Variants in VEGFC observed in about 807,000 individuals in gnomAD.
VEGFC encodes FLT4 ligand DHM.
VEGFC carries 12 observed loss-of-function variants against 46.1 expected under a neutral mutation model. The ratio of observed to expected loss-of-function variants is 0.26; its 90% CI spans 0.17 to 0.42. The LOEUF is 0.42. Among genes scored for constraint, VEGFC ranks in the 10% least tolerant of loss-of-function variants. The pLI is 1.00. For missense variants in VEGFC, 488 were observed against 529.4 expected, an observed-to-expected ratio of 0.92 and a Z score of 0.77; for synonymous variants, 232 against 195.5, an observed-to-expected ratio of 1.19 and a Z score of -1.56.
At chr4:176,708,537 GATA>G (rs568716990) in intron 4 of VEGFC, among the ~76,000 whole-genome samples, 104 of 152,172 alleles carry the variant, frequency 6.8e-4, no homozygotes, top group African/African-American at 2.4e-3. Flanking sequence ...TTGGGGTTGT[GATA>G]ATGAGAAAGC....
intron 3 of VEGFC, among the ~76,000 whole-genome samples, chr4:176,725,160 A>G (rs1316116771): frequency 6.6e-6 from 1 of 152,226 alleles, no homozygotes; most frequent in Non-Finnish European, 1.5e-5. Flanking sequence ...TTGTACAGGT[A>G]TCAACATATA....
intron 3 of VEGFC, 110 bp from the exon 4 acceptor site, chr4:176,711,760 G>T: frequency 9.4e-7 from 1 of 1,068,654 alleles, no homozygotes; most frequent in Non-Finnish European, 1.4e-6. Flanking sequence ...ATAAGTAGCT[G>T]CCTAGTGTAC....
chr4:176,711,522 A>G lies in VEGFC; in HGVS notation c.681T>C (p.Arg227=). 6.2e-7 allele frequency: 1 copy of G among 1,613,080 alleles called. No individual in the cohort carries two copies. Among genetic ancestry groups the G allele is most frequent in the South Asian group, 1.1e-5 (1 of 90,820 alleles). The change falls in exon 4 of 7, where the codon CGT becomes CGC. Residue 227 remains arginine (R), a synonymous_variant. Coordinates refer to ENST00000618562, the MANE Select transcript of VEGFC (RefSeq NM_005429.5). ...ACTGTGGTAGTGTTGCTGGCAGGGA[A>G]CGTCTAATAATGGAATGAACTTGTC... The part of the protein sequence containing the change: ...VYRQVHSIIR[R]SLPATLPQCQ...
At chr4:176,753,079 T>C (rs549326238) in intron 1 of VEGFC, among the ~76,000 whole-genome samples, 21 of 152,218 alleles carry the variant, frequency 1.4e-4, no homozygotes, top group Non-Finnish European at 2.2e-4. Context: ...CCGCCTCTCC[T>C]ACCTCTAGCC....
At chr4:176,703,573 G>A (rs1199663777) in intron 4 of VEGFC, among the ~76,000 whole-genome samples, 1 of 151,942 alleles carries the variant, frequency 6.6e-6, no homozygotes, top group African/African-American at 2.4e-5. Context: ...GCACAGTAGG[G>A]TAACAATAGT....
intron 4 of VEGFC, among the ~76,000 whole-genome samples, chr4:176,692,882 A>G (rs144486088): frequency 0.2 from 28,381 of 140,008 alleles, 3,456 homozygotes; most frequent in East Asian, 0.35. Flanking sequence ...CACCTCACAC[A>G]GCAGGGTATT....
chr4:176,743,469 C>G (rs1424318155), intron 1 of VEGFC, among the ~76,000 whole-genome samples: 1 of 151,428 alleles, frequency 6.6e-6, no homozygotes. Context: ...CGGGATGTAC[C>G]ATGCACAATT....
chr4:176,777,918 C>CAAA lies in VEGFC; in HGVS notation c.147+14244_147+14246dup, dbSNP rs773634012. On this transcript the variant is annotated intron_variant, in intron 1 of 6. Transcript: ENST00000618562. The stretch of plus-strand genomic sequence containing the variant: ...TGGGCGACAGAGCAAGACTTTGTCT[C>CAAA]AAAAAAAAAAAAAAAAAAAAAAAAA... Among the ~76,000 whole-genome samples the CAAA allele has an allele frequency of 3.7e-3, 211 of 57,180 alleles. 17 individuals carry two copies. Among genetic ancestry groups the CAAA allele is most frequent in the Middle Eastern group, 0.025 (1 of 40 alleles). 37.5% of individuals were successfully genotyped at this position (57,180 alleles called of 152,430 possible). A position where few individuals can be genotyped will look rare whatever the true frequency, so the allele number is the denominator to read the frequency against.
intron 1 of VEGFC, among the ~76,000 whole-genome samples, chr4:176,762,696 G>A (rs1340425103): frequency 6.6e-6 from 1 of 152,102 alleles, no homozygotes; most frequent in African/African-American, 2.4e-5. Context: ...TTAAACATAT[G>A]TGTGTCTGCA....
At chr4:176,696,197 C>T (rs540960499) in intron 4 of VEGFC, among the ~76,000 whole-genome samples, 3,663 of 144,540 alleles carry the variant, frequency 0.025, 153 homozygotes, top group African/African-American at 0.09. Context: ...TCAAATTGTC[C>T]CTGTTTGCAG....
rs541639588 is a variant in VEGFC, at chr4:176,780,387, A to AAAAAAAAAAAAAAC, written c.147+11777_147+11778insGTTTTTTTTTTTTT. Among the ~76,000 whole-genome samples, 653 of 114,770 alleles carry AAAAAAAAAAAAAAC rather than the reference A, an allele frequency of 5.7e-3. 57 individuals carry two copies. Among genetic ancestry groups the AAAAAAAAAAAAAAC allele is most frequent in the Middle Eastern group, 0.01 (2 of 192 alleles). 75.3% of individuals were successfully genotyped at this position (114,770 alleles called of 152,430 possible). ...ACAGAGCGAGACTCCATCTCAAAAA[A>AAAAAAAAAAAAAAC]AAAAAAAAAAAACTCCTTCTAACCC... On this transcript the variant is annotated intron_variant, in intron 1 of 6. Transcript: ENST00000618562.
At chr4:176,708,680 T>C (rs1041249089) in intron 4 of VEGFC, among the ~76,000 whole-genome samples, 4 of 152,182 alleles carry the variant, frequency 2.6e-5, no homozygotes, top group Admixed American at 6.5e-5. Context: ...CATATATATA[T>C]ACACAGAGAC....
Position 176,711,929 on chromosome 4 carries a change from C to G in VEGFC, c.553-279G>C, listed in dbSNP as rs376625224. ...CCAACTAATTGGTTATCCTATTAGACGTGACAGAACAATGTGTTCAAGAAA... is the reference window on the plus strand; with the variant it reads ...CCAACTAATTGGTTATCCTATTAGAGGTGACAGAACAATGTGTTCAAGAAA... On this transcript the variant is annotated intron_variant, in intron 3 of 6. Coordinates refer to ENST00000618562, the MANE Select transcript of VEGFC (RefSeq NM_005429.5). Among the ~76,000 whole-genome samples the G allele has an allele frequency of 3.3e-5, 5 of 151,868 alleles. No homozygotes were observed. In the East Asian group the frequency reaches 9.6e-4, roughly 29 times the overall value.
intron 4 of VEGFC, among the ~76,000 whole-genome samples, chr4:176,692,509 C>G (rs1385465885): frequency 7.4e-6 from 1 of 134,674 alleles, no homozygotes; most frequent in Non-Finnish European, 1.5e-5. Context: ...GCTAGCACAG[C>G]AGTCTGAGAT....
intron 1 of VEGFC, among the ~76,000 whole-genome samples, chr4:176,758,604 C>A (rs1196614963): frequency 6.6e-6 from 1 of 152,122 alleles, no homozygotes; most frequent in East Asian, 1.9e-4. Flanking sequence ...CTTCCCAAAT[C>A]GACAGCTTTC....
At chr4:176,714,641 T>C (rs889499632) in intron 3 of VEGFC, among the ~76,000 whole-genome samples, 6 of 152,166 alleles carry the variant, frequency 3.9e-5, no homozygotes, top group Non-Finnish European at 8.8e-5. Flanking sequence ...TTCCCACCCC[T>C]AACCCTTGGC....
chr4:176,727,769 A>G lies in VEGFC; in HGVS notation c.552+9T>C. 6.2e-7 allele frequency: 1 copy of G among 1,608,218 alleles called. No homozygotes were observed. The highest frequency in any genetic ancestry group is 1.1e-5 in the South Asian group (1 of 89,828). ...GCTCTCGCAGGTAGCAGGAATGGGC[A>G]ATACCCACCGTCTTGCTGAGGTAGC... On this transcript the variant is annotated intron_variant, in intron 3 of 6. Transcript: ENST00000618562.
At chr4:176,771,891 A>AGC (rs1735729375) in intron 1 of VEGFC, among the ~76,000 whole-genome samples, 1 of 152,206 alleles carries the variant, frequency 6.6e-6, no homozygotes, top group Non-Finnish European at 1.5e-5. Flanking sequence ...TTATCAGAGG[A>AGC]GCCTGTGATC....
intron 3 of VEGFC, among the ~76,000 whole-genome samples, chr4:176,719,628 G>A (rs548078223): frequency 3.3e-5 from 5 of 152,104 alleles, no homozygotes; most frequent in East Asian, 1.9e-4. Flanking sequence ...TGTTGATTTC[G>A]CTTGCTAATT....
Sources: allele counts gnomAD v4.1 joint callset (sites outside exome capture counted in the v4.1 genomes callset), GRCh38; gene constraint gnomAD v4.1.1; transcripts MANE v1.5; gene names NCBI Gene and HGNC (gene_info 2026-07-23, HGNC 2026-07-21).